PMM2: variants seen among roughly 807,000 people sequenced by gnomAD.
The protein encoded by PMM2 is phosphomannomutase 2, also known as mannose-6-phosphate isomerase.
Under a neutral mutation model 33.2 loss-of-function variants are expected in PMM2, and 35 were observed. The observed-to-expected ratio is 1.06, with a 90% confidence interval of 0.81 to 1.40. PMM2 has a LOEUF of 1.40. Ranked by LOEUF, PMM2 falls within the 40% of genes most tolerant of loss-of-function variation. The pLI is 0.00. For missense variants in PMM2, 386 were observed against 306.0 expected, an observed-to-expected ratio of 1.26 and a Z score of -1.95; for synonymous variants, 153 against 114.7, an observed-to-expected ratio of 1.33 and a Z score of -2.13.
At chr16:8,813,758 CA>C (rs1267818860) in intron 7 of PMM2, among the ~76,000 whole-genome samples, 1 of 151,808 alleles carries the variant, frequency 6.6e-6, no homozygotes, top group African/African-American at 2.4e-5. Flanking sequence ...CTCCGTGGGG[CA>C]AGGTGGATCC....
intron 7 of PMM2, among the ~76,000 whole-genome samples, chr16:8,846,888 G>C (rs1456426953): frequency 1.3e-5 from 2 of 152,152 alleles, no homozygotes; most frequent in African/African-American, 4.8e-5. Context: ...ATTTAAGATA[G>C]AGTCTCCCTT....
chr16:8,833,096 G>T (rs1168169635), intron 7 of PMM2: 1 of 178,304 alleles, frequency 5.6e-6, no homozygotes, highest in African/African-American at 2.4e-5. Flanking sequence ...GAGCAACATG[G>T]CTGTTTTTTT....
chr16:8,806,026 G>A (rs560618452), intron 3 of PMM2, among the ~76,000 whole-genome samples: 4 of 152,156 alleles, frequency 2.6e-5, no homozygotes, highest in Non-Finnish European at 5.9e-5. Context: ...AATAAAAGTG[G>A]CAGCAGTAAG....
intron 7 of PMM2, among the ~76,000 whole-genome samples, chr16:8,844,793 A>G (rs1379174422): frequency 6.6e-6 from 1 of 152,166 alleles, no homozygotes; most frequent in Non-Finnish European, 1.5e-5. Flanking sequence ...AAGAGAAGGG[A>G]GAGATTGAAG....
chr16:8,833,404 A>G (rs2060822933), intron 7 of PMM2, among the ~76,000 whole-genome samples: 1 of 152,224 alleles, frequency 6.6e-6, no homozygotes, highest in Admixed American at 6.5e-5. Flanking sequence ...ACTTCAGGCC[A>G]TCTGGATGTA....
intron 7 of PMM2, among the ~76,000 whole-genome samples, chr16:8,828,355 A>T (rs1351673466): frequency 1.3e-5 from 2 of 152,176 alleles, no homozygotes; most frequent in African/African-American, 4.8e-5. Flanking sequence ...AACTTACATA[A>T]ATAACAAACC....
intron 7 of PMM2, among the ~76,000 whole-genome samples, chr16:8,844,711 G>A (rs1354509526): frequency 2.0e-5 from 3 of 152,206 alleles, no homozygotes; most frequent in South Asian, 2.1e-4. Flanking sequence ...GTCCGTGACC[G>A]GCGCCGGTTT....
intron 7 of PMM2, among the ~76,000 whole-genome samples, chr16:8,838,751 G>T (rs1425596717): frequency 6.6e-6 from 1 of 152,094 alleles, no homozygotes; most frequent in Non-Finnish European, 1.5e-5. Flanking sequence ...GAGGACCTAG[G>T]ACATCCAATT....
rs112248179 is a variant in PMM2 at position 8,832,467 on chromosome 16, G to A, written c.640-15257G>A. The A allele has an allele frequency of 7.9e-5, 78 of 985,430 alleles. 1 individual carries two copies. The African/African-American group carries it at 1.3e-3, about 17-fold the overall frequency. 61.0% of individuals were successfully genotyped at this position (985,430 alleles called of 1,614,324 possible). A position where few individuals can be genotyped will look rare whatever the true frequency, so the allele number is the denominator to read the frequency against. ...GACACCTCCCCACCAGCCCCCAGCAGGACCACGGGAGGAGACTCGTGCCGT... is the reference window on the plus strand; with the variant it reads ...GACACCTCCCCACCAGCCCCCAGCAAGACCACGGGAGGAGACTCGTGCCGT... On this transcript the variant is annotated intron_variant, in intron 7 of 7. Transcript: ENST00000268261.
At chr16:8,834,754 C>T (rs1171621921) in intron 7 of PMM2, among the ~76,000 whole-genome samples, 1 of 151,896 alleles carries the variant, frequency 6.6e-6, no homozygotes, top group Admixed American at 6.6e-5. Flanking sequence ...TGCTATGTGG[C>T]GATTAGGCCT....
rs536688588 is a variant in PMM2, at chr16:8,802,108, C to G, written c.178+198C>G. ...CATTTCTGGAGTTACTGATGGAGAA[C>G]TGGGTACTCAGATGTGTGAGTAGAT... On this transcript the variant is annotated intron_variant, in intron 2 of 7. Coordinates refer to ENST00000268261, the MANE Select transcript of PMM2 (RefSeq NM_000303.3). 133 of 569,104 alleles carry G rather than the reference C, an allele frequency of 2.3e-4. 2 individuals are homozygous for G. The highest frequency in any genetic ancestry group is 1.9e-3 in the South Asian group (127 of 65,580). The allele number at this position is 569,104 out of a possible 1,614,324, so 35.3% of individuals were successfully genotyped here.
chr16:8,826,755 A>G (rs1276290606), intron 7 of PMM2, among the ~76,000 whole-genome samples: 1 of 152,182 alleles, frequency 6.6e-6, no homozygotes, highest in African/African-American at 2.4e-5. Flanking sequence ...AGACCGAAGA[A>G]GATGCATTAG....
intron 7 of PMM2, among the ~76,000 whole-genome samples, chr16:8,830,197 G>A (rs1401674144): frequency 6.6e-6 from 1 of 152,208 alleles, no homozygotes; most frequent in Admixed American, 6.5e-5. Context: ...GCTGGCCTCT[G>A]GATCCATCAC....
intron 7 of PMM2, chr16:8,832,320 CAG>C: frequency 1.3e-5 from 13 of 985,462 alleles, no homozygotes; most frequent in Non-Finnish European, 1.6e-5. Flanking sequence ...AGAAGCAACC[CAG>C]AGAGGCTCCT....
intron 7 of PMM2, among the ~76,000 whole-genome samples, chr16:8,826,305 C>A (rs1316891867): frequency 1.3e-5 from 2 of 152,090 alleles, no homozygotes; most frequent in Admixed American, 6.5e-5. Flanking sequence ...TTTAAAAAAA[C>A]CCATATTCCC....
intron 7 of PMM2, among the ~76,000 whole-genome samples, chr16:8,838,352 G>A (rs947863842): frequency 7.2e-5 from 11 of 152,024 alleles, no homozygotes; most frequent in Admixed American, 7.2e-4. Flanking sequence ...ATGTATACGT[G>A]CAAGTCATAG....
At chr16:8,814,171 TC>T (rs2060693613) in intron 7 of PMM2, among the ~76,000 whole-genome samples, 1 of 152,022 alleles carries the variant, frequency 6.6e-6, no homozygotes, top group Non-Finnish European at 1.5e-5. Context: ...AGACAGGGTT[TC>T]ATCATGTTGG....
intron 7 of PMM2, among the ~76,000 whole-genome samples, chr16:8,829,517 G>A (rs78135743): frequency 6.6e-6 from 1 of 152,180 alleles, no homozygotes; most frequent in African/African-American, 2.4e-5. Context: ...GGCCAGAGCA[G>A]AGTACACATG....
At chr16:8,804,221 G>A (rs1251851143) in intron 2 of PMM2, among the ~76,000 whole-genome samples, 1 of 150,964 alleles carries the variant, frequency 6.6e-6, no homozygotes, top group Admixed American at 6.6e-5. Context: ...TGTATTTTTA[G>A]TAGAGACGGG....
Sources: gnomAD v4.1 joint callset for allele counts (sites outside exome capture counted in the v4.1 genomes callset) on GRCh38, gnomAD v4.1.1 for gene constraint, MANE v1.5 for transcripts, NCBI Gene and HGNC (gene_info 2026-07-23, HGNC 2026-07-21) for gene names.